Variants in ADAM7 observed in about 807,000 individuals in gnomAD.
ADAM7 encodes the protein disintegrin and metalloproteinase domain-containing protein 7.
Under a neutral mutation model 102.9 loss-of-function variants are expected in ADAM7, and 97 were observed. That is an observed-to-expected ratio of 0.94 (90% confidence interval 0.80 to 1.12). The LOEUF is 1.12. ADAM7 is among the 50% of genes most tolerant of loss of function. The pLI, the probability that ADAM7 is intolerant of heterozygous loss-of-function variation, is 0.00. For synonymous variants in ADAM7, 334 were observed against 304.4 expected, an observed-to-expected ratio of 1.10 and a Z score of -1.01; for missense variants, 991 against 908.7, an observed-to-expected ratio of 1.09 and a Z score of -1.16.
At chr8:24,464,228 C>T (rs538314922) in intron 4 of ADAM7, among the ~76,000 whole-genome samples, 1 of 152,186 alleles carries the variant, frequency 6.6e-6, no homozygotes, top group East Asian at 1.9e-4. Flanking sequence ...GGTGTTAAGT[C>T]TAGGAGAGGG....
intron 16 of ADAM7, among the ~76,000 whole-genome samples, chr8:24,495,425 A>G (rs952320652): frequency 2.6e-5 from 4 of 152,220 alleles, no homozygotes; most frequent in African/African-American, 9.7e-5. Flanking sequence ...TCAGCAAAAT[A>G]ACAAACTTCC....
chr8:24,508,120 T>A (rs1239142331), intron 21 of ADAM7, among the ~76,000 whole-genome samples: 1 of 152,124 alleles, frequency 6.6e-6, no homozygotes, highest in Admixed American at 6.5e-5. Context: ...TTCTGCTGAG[T>A]TTTTACAGTG....
At chr8:24,474,562 C>T (rs951792390) in intron 7 of ADAM7, among the ~76,000 whole-genome samples, 1 of 151,956 alleles carries the variant, frequency 6.6e-6, no homozygotes, top group Non-Finnish European at 1.5e-5. Flanking sequence ...ATGCTAGGTT[C>T]TGAGTATTAA....
chr8:24,460,553 C>G (rs1819202153), intron 3 of ADAM7, among the ~76,000 whole-genome samples: 1 of 151,924 alleles, frequency 6.6e-6, no homozygotes, highest in Non-Finnish European at 1.5e-5. Context: ...CAATGACTCT[C>G]TACATTAGAT....
chr8:24,501,610 TGA>T, intron 20 of ADAM7, 34 bp downstream of exon 20: 1 of 1,518,204 alleles, frequency 6.6e-7, no homozygotes, highest in Non-Finnish European at 8.9e-7. Context: ...GTTAATTTAT[TGA>T]TTTTTTTTTT....
intron 3 of ADAM7, among the ~76,000 whole-genome samples, chr8:24,460,349 AT>A (rs1819195471): frequency 6.6e-6 from 1 of 152,030 alleles, no homozygotes; most frequent in Admixed American, 6.5e-5. Context: ...TAATGTTATT[AT>A]TTTTTAATAG....
At chr8:24,503,603 A>T (rs1820838018) in intron 20 of ADAM7, among the ~76,000 whole-genome samples, 1 of 152,198 alleles carries the variant, frequency 6.6e-6, no homozygotes, top group Non-Finnish European at 1.5e-5. Context: ...ACTATTCACA[A>T]TAGCAAAGAC....
chr8:24,504,820 C>T (rs561717468), intron 20 of ADAM7, among the ~76,000 whole-genome samples: 1 of 152,204 alleles, frequency 6.6e-6, no homozygotes, highest in Admixed American at 6.5e-5. Flanking sequence ...ATGAATTTCA[C>T]TGGCATATAG....
rs1821035416 is a variant in ADAM7 at position 24,508,937 on chromosome 8, AAACAT to A, written c.*394_*398del. The stretch of plus-strand genomic sequence containing the variant: ...TGCATATAAAAAGTTACTTTTTTGG[AAACAT>A]AAAAGTACGTTTTAAAACTTGAACA... On this transcript the variant is annotated 3_prime_UTR_variant, in exon 22 of 22. Transcript: ENST00000175238. 1 of 1,031,972 alleles carries A rather than the reference AAACAT, an allele frequency of 9.7e-7. No individual in the cohort carries two copies. The highest frequency in any genetic ancestry group is 1.2e-6 in the Non-Finnish European group (1 of 861,080). 63.9% of individuals were successfully genotyped at this position (1,031,972 alleles called of 1,614,324 possible).
chr8:24,504,919 G>A (rs1049219444), intron 20 of ADAM7, among the ~76,000 whole-genome samples: 6 of 152,154 alleles, frequency 3.9e-5, no homozygotes, highest in African/African-American at 1.2e-4. Flanking sequence ...TTCCAAGAAG[G>A]TAAAACCAAG....
At chr8:24,455,850 C>G (rs535851105) in intron 3 of ADAM7, among the ~76,000 whole-genome samples, 1 of 152,232 alleles carries the variant, frequency 6.6e-6, no homozygotes, top group African/African-American at 2.4e-5. Context: ...TGTAATTTGA[C>G]AAACTATGAT....
At chr8:24,456,980 T>A (rs1819058128) in intron 3 of ADAM7, among the ~76,000 whole-genome samples, 1 of 152,216 alleles carries the variant, frequency 6.6e-6, no homozygotes, top group Non-Finnish European at 1.5e-5. Context: ...GGAGTGATAT[T>A]CCTGAGTCAC....
rs368758817 is a variant in ADAM7 at position 24,442,513 on chromosome 8, T to A, written c.93T>A (p.Arg31=). 1 of 1,614,122 alleles carries A rather than the reference T, an allele frequency of 6.2e-7. No homozygotes were observed. Among genetic ancestry groups the A allele is most frequent in the South Asian group, 1.1e-5 (1 of 91,086 alleles). Residue 31 remains arginine (R), a synonymous_variant, in exon 2 of 22, where the codon CGT becomes CGA. Transcript: ENST00000175238. ...ILGVEGQQLV[R]PKKLPLIQKR... ...GAGTAGAGGGTCAACAACTGGTTCG[T>A]CCTAAAAAGCTTCCTCTGATACAGA...
intron 3 of ADAM7, among the ~76,000 whole-genome samples, chr8:24,453,652 G>A (rs919900647): frequency 3.3e-5 from 5 of 152,158 alleles, no homozygotes; most frequent in Admixed American, 1.3e-4. Context: ...CTCTCACCTC[G>A]TCAAAGTCAT....
chr8:24,478,154 G>T (rs146357779), intron 8 of ADAM7, among the ~76,000 whole-genome samples: 12 of 152,256 alleles, frequency 7.9e-5, no homozygotes, highest in African/African-American at 2.9e-4. Context: ...ATCTCAGAAT[G>T]AGGAAATCAG....
At chr8:24,501,690 CAA>C in intron 20 of ADAM7, 114 bp downstream of exon 20, 2 of 662,664 alleles carry the variant, frequency 3.0e-6, no homozygotes, top group East Asian at 5.9e-5. Context: ...TGCAGAGGAG[CAA>C]TTTAACATGG....
At chr8:24,492,131 G>A in intron 14 of ADAM7, 33 bp downstream of exon 14, 1 of 1,583,110 alleles carries the variant, frequency 6.3e-7, no homozygotes, top group Non-Finnish European at 8.6e-7. Context: ...TATTCACACA[G>A]ATGGTGGCCT....
rs1243016367 is a variant in ADAM7, at chr8:24,509,290, T to C, written c.*744T>C. ...TCCTATGAAGGGTTTCTAAGGTCTTTGTCCTGTGCAATTTGACAATGTGCC... is the reference window on the plus strand; with the variant it reads ...TCCTATGAAGGGTTTCTAAGGTCTTCGTCCTGTGCAATTTGACAATGTGCC... On this transcript the variant is annotated 3_prime_UTR_variant, in exon 22 of 22. Transcript: ENST00000175238. The C allele has an allele frequency of 1.0e-6, 1 of 985,292 alleles. No individual in the cohort carries two copies. The highest frequency in any genetic ancestry group is 1.2e-6 in the Non-Finnish European group (1 of 829,944). The allele number at this position is 985,292 out of a possible 1,614,324, so 61.0% of individuals were successfully genotyped here.
At chr8:24,449,591 T>C (rs1818701773) in intron 3 of ADAM7, among the ~76,000 whole-genome samples, 1 of 152,192 alleles carries the variant, frequency 6.6e-6, no homozygotes, top group African/African-American at 2.4e-5. Context: ...TTCTCCCATT[T>C]TGTAGGTTGC....
Sources: allele counts gnomAD v4.1 joint callset (sites outside exome capture counted in the v4.1 genomes callset), GRCh38; gene constraint gnomAD v4.1.1; transcripts MANE v1.5; gene names NCBI Gene and HGNC (gene_info 2026-07-23, HGNC 2026-07-21).